Variants in SMIM36 observed in about 807,000 individuals in gnomAD.
SMIM36 encodes the protein small integral membrane protein 36.
At chr17:55,466,279 A>AG (rs1909235115) in intron 4 of SMIM36, among the ~76,000 whole-genome samples, 1 of 120,268 alleles carries the variant, frequency 8.3e-6, no homozygotes, top group Non-Finnish European at 1.7e-5. Context: ...CTCCGTCTCA[A>AG]AAAAAAAAAA....
chr17:55,467,150 G>A (rs1214871629), exon 4 of SMIM36: 1 of 152,228 alleles, frequency 6.6e-6, no homozygotes, highest in Non-Finnish European at 1.5e-5. Flanking sequence ...CTTACACAGT[G>A]TTTGTTATAA....
chr17:55,456,198 T>C (rs923475862), intron 4 of SMIM36, among the ~76,000 whole-genome samples: 2 of 151,764 alleles, frequency 1.3e-5, no homozygotes, highest in African/African-American at 2.4e-5. Context: ...TCTTTTCTTG[T>C]TCCTCCCAAG....
chr17:55,477,709 C>T (rs1274636346), intron 3 of SMIM36, among the ~76,000 whole-genome samples: 2 of 152,108 alleles, frequency 1.3e-5, no homozygotes, highest in African/African-American at 4.8e-5. Flanking sequence ...AGTTATTCAC[C>T]TTTCTGAGCC....
intron 4 of SMIM36, among the ~76,000 whole-genome samples, chr17:55,457,451 C>CAAA (rs1179896909): frequency 3.2e-5 from 2 of 61,628 alleles, no homozygotes; most frequent in African/African-American, 5.4e-5. Context: ...AACTCCGTCT[C>CAAA]AAAAAAAAAA....
intron 3 of SMIM36, among the ~76,000 whole-genome samples, chr17:55,469,344 C>A (rs1454314487): frequency 2.0e-5 from 3 of 152,144 alleles, no homozygotes; most frequent in African/African-American, 7.2e-5. Flanking sequence ...TTTATCCAAC[C>A]TCTCCCAAAT....
At chr17:55,521,634 T>C in the SMIM36 span, among the ~76,000 whole-genome samples, 1 of 149,396 alleles carries the variant, frequency 6.7e-6, no homozygotes, top group Non-Finnish European at 1.5e-5. Context: ...ATGTGTAGAT[T>C]GGACTTGGGA....
intron 4 of SMIM36, among the ~76,000 whole-genome samples, chr17:55,460,196 G>A (rs965781663): frequency 2.7e-4 from 41 of 152,008 alleles, no homozygotes; most frequent in African/African-American, 7.7e-4. Context: ...TTGGGAGGCC[G>A]AGGCAGGTGG....
chr17:55,532,129 C>G, the SMIM36 span, among the ~76,000 whole-genome samples: 1 of 152,212 alleles, frequency 6.6e-6, no homozygotes, highest in South Asian at 2.1e-4. Flanking sequence ...CTCATTTCTG[C>G]TGTTAACTTT....
At chr17:55,509,662 C>G (rs558259735) in intron 1 of SMIM36, among the ~76,000 whole-genome samples, 15 of 152,174 alleles carry the variant, frequency 9.9e-5, no homozygotes, top group Non-Finnish European at 2.2e-4. Flanking sequence ...ACACTCATTT[C>G]TCTTTATTTC....
At chr17:55,528,653 A>C in the SMIM36 span, among the ~76,000 whole-genome samples, 1 of 151,526 alleles carries the variant, frequency 6.6e-6, no homozygotes, top group Non-Finnish European at 1.5e-5. Flanking sequence ...CCCGGGTTCA[A>C]GCAGTTCTGC....
At chr17:55,471,896 C>T (rs2062312574) in intron 3 of SMIM36, among the ~76,000 whole-genome samples, 1 of 152,176 alleles carries the variant, frequency 6.6e-6, no homozygotes. Flanking sequence ...CTTCTAGAGG[C>T]CTTCAAAATC....
intron 1 of SMIM36, among the ~76,000 whole-genome samples, chr17:55,485,571 G>A (rs2143283476): frequency 6.6e-6 from 1 of 152,122 alleles, no homozygotes; most frequent in Non-Finnish European, 1.5e-5. Flanking sequence ...TTACAGGCGT[G>A]AGCCACTGTG....
intron 1 of SMIM36, among the ~76,000 whole-genome samples, chr17:55,500,524 C>A (rs1406013482): frequency 2.6e-5 from 4 of 151,734 alleles, no homozygotes; most frequent in Non-Finnish European, 4.4e-5. Flanking sequence ...TCTTGAAGAA[C>A]AAATTGAATG....
the SMIM36 span, among the ~76,000 whole-genome samples, chr17:55,523,038 G>A: frequency 6.6e-6 from 1 of 152,136 alleles, no homozygotes; most frequent in Non-Finnish European, 1.5e-5. Context: ...TGAGGAAAGA[G>A]GTCCTAGTTT....
chr17:55,531,679 CT>C, the SMIM36 span, among the ~76,000 whole-genome samples: 1 of 152,168 alleles, frequency 6.6e-6, no homozygotes, highest in Non-Finnish European at 1.5e-5. Flanking sequence ...AAATCCAACT[CT>C]TTTTTACTTT....
intron 1 of SMIM36, among the ~76,000 whole-genome samples, chr17:55,485,796 C>T (rs558342448): frequency 3.3e-5 from 5 of 152,238 alleles, no homozygotes; most frequent in East Asian, 3.9e-4. Context: ...TCCCATCTTA[C>T]GTATGAGGAA....
At chr17:55,482,354 T>C (rs961509372) in intron 1 of SMIM36, among the ~76,000 whole-genome samples, 3 of 152,136 alleles carry the variant, frequency 2.0e-5, no homozygotes, top group African/African-American at 7.2e-5. Context: ...TCCAAATCTA[T>C]TCCTATTCTT....
intron 3 of SMIM36, among the ~76,000 whole-genome samples, chr17:55,473,235 T>C (rs1258559231): frequency 6.6e-6 from 1 of 152,172 alleles, no homozygotes; most frequent in Admixed American, 6.6e-5. Flanking sequence ...CACCTCTCAA[T>C]GCTCTGTCTG....
intron 1 of SMIM36, among the ~76,000 whole-genome samples, chr17:55,483,588 T>C (rs1404584151): frequency 6.6e-6 from 1 of 152,182 alleles, no homozygotes; most frequent in Non-Finnish European, 1.5e-5. Context: ...AACTCTCCTC[T>C]GGGTTTCTAG....
Sources: allele counts gnomAD v4.1 joint callset (sites outside exome capture counted in the v4.1 genomes callset), GRCh38; gene constraint gnomAD v4.1.1; transcripts MANE v1.5; gene names NCBI Gene and HGNC (gene_info 2026-07-23, HGNC 2026-07-21).